Variants in PAMR1 observed in about 807,000 individuals in gnomAD.
The protein encoded by PAMR1 is peptidase domain containing associated with muscle regeneration 1, also known as inactive serine protease PAMR1.
A neutral mutation model predicts 81.8 loss-of-function variants in PAMR1; 88 were observed. The observed-to-expected ratio is 1.08, with a 90% CI of 0.91 to 1.28. The LOEUF (loss-of-function observed/expected upper bound fraction) is 1.28, where lower values mean the gene tolerates loss of function less well. Ranked by LOEUF, PAMR1 falls within the 50% of genes most tolerant of loss-of-function variation. The pLI, the probability that PAMR1 is intolerant of heterozygous loss-of-function variation, is 0.00. For missense variants in PAMR1, 935 were observed against 919.7 expected, an observed-to-expected ratio of 1.02 and a Z score of -0.21; for synonymous variants, 336 against 345.3, an observed-to-expected ratio of 0.97 and a Z score of 0.30.
At chr11:35,455,436 A>G (rs559193053) in intron 6 of PAMR1, among the ~76,000 whole-genome samples, 1 of 152,362 alleles carries the variant, frequency 6.6e-6, no homozygotes. Flanking sequence ...TGATGAGACA[A>G]CAGACCTCTT....
At chr11:35,487,215 GAAAA>G (rs111704287) in intron 3 of PAMR1, among the ~76,000 whole-genome samples, 4 of 130,128 alleles carry the variant, frequency 3.1e-5, no homozygotes, top group Non-Finnish European at 6.6e-5. Flanking sequence ...TAGTTACCCA[GAAAA>G]AAAAAAAAAA....
intron 6 of PAMR1, among the ~76,000 whole-genome samples, chr11:35,448,535 C>T (rs1856343548): frequency 6.6e-6 from 1 of 152,134 alleles, no homozygotes. Context: ...GTTAACAGCT[C>T]CTGTAGTGTT....
At chr11:35,489,988 G>A (rs1850587449) in intron 3 of PAMR1, among the ~76,000 whole-genome samples, 1 of 152,208 alleles carries the variant, frequency 6.6e-6, no homozygotes, top group African/African-American at 2.4e-5. Flanking sequence ...GCTGAGACTG[G>A]GTAATTTGTA....
chr11:35,441,008 G>A (rs1371943805), intron 7 of PAMR1, among the ~76,000 whole-genome samples: 2 of 152,100 alleles, frequency 1.3e-5, no homozygotes, highest in Admixed American at 1.3e-4. Flanking sequence ...ATGTACAAGG[G>A]TTTACTCTCT....
At chr11:35,488,574 A>G (rs1180949380) in intron 3 of PAMR1, among the ~76,000 whole-genome samples, 1 of 149,752 alleles carries the variant, frequency 6.7e-6, no homozygotes, top group African/African-American at 2.5e-5. Flanking sequence ...CATATAAACT[A>G]TCACCTTAAT....
At chr11:35,499,091 G>T (rs1354985984) in intron 1 of PAMR1, among the ~76,000 whole-genome samples, 1 of 152,096 alleles carries the variant, frequency 6.6e-6, no homozygotes, top group Admixed American at 6.5e-5. Flanking sequence ...GAATGAATTC[G>T]GCCTGAACTT....
chr11:35,506,596 G>T (rs7941572), intron 1 of PAMR1, among the ~76,000 whole-genome samples: 1 of 147,238 alleles, frequency 6.8e-6, no homozygotes, highest in Non-Finnish European at 1.5e-5. Context: ...GGCAGGGTTT[G>T]TTTTTTTTTC....
chr11:35,458,695 TGTCA>T (rs1301164091), intron 6 of PAMR1, among the ~76,000 whole-genome samples: 2 of 152,322 alleles, frequency 1.3e-5, no homozygotes, highest in Admixed American at 1.3e-4. Context: ...ATCCGCCCAT[TGTCA>T]CTTGTCACCA....
chr11:35,465,956 AC>A (rs1856748117), intron 6 of PAMR1, among the ~76,000 whole-genome samples: 1 of 152,196 alleles, frequency 6.6e-6, no homozygotes, highest in Non-Finnish European at 1.5e-5. Context: ...CTCACAAGCT[AC>A]CTGTGAATAT....
At chr11:35,458,127 G>C (rs1173136566) in intron 6 of PAMR1, among the ~76,000 whole-genome samples, 4 of 152,126 alleles carry the variant, frequency 2.6e-5, no homozygotes, top group Non-Finnish European at 5.9e-5. Flanking sequence ...TTTTTAGAAA[G>C]ATATAATATT....
intron 9 of PAMR1, 102 bp from the exon 10 acceptor site, chr11:35,434,906 T>C (rs1856003268): frequency 3.7e-6 from 4 of 1,080,524 alleles, no homozygotes; most frequent in Non-Finnish European, 5.4e-6. Flanking sequence ...AGGTGAACTG[T>C]ATGGGCATGA....
intron 1 of PAMR1, among the ~76,000 whole-genome samples, chr11:35,498,767 T>G (rs555921367): frequency 6.6e-6 from 1 of 152,248 alleles, no homozygotes; most frequent in South Asian, 2.1e-4. Flanking sequence ...ACCTTGGGAC[T>G]CCACATTTGC....
intron 7 of PAMR1, 49 bp from the exon 8 acceptor site, chr11:35,439,742 T>C: frequency 2.0e-6 from 3 of 1,479,952 alleles, no homozygotes; most frequent in Non-Finnish European, 2.8e-6. Flanking sequence ...ATATTCACTG[T>C]TCATATCATT....
chr11:35,461,341 G>T (rs1000025531), intron 6 of PAMR1, among the ~76,000 whole-genome samples: 2 of 152,178 alleles, frequency 1.3e-5, no homozygotes, highest in African/African-American at 4.8e-5. Context: ...TAGTCTTGCT[G>T]CATTGTTTAC....
intron 6 of PAMR1, among the ~76,000 whole-genome samples, chr11:35,458,173 A>G (rs1010665772): frequency 6.6e-6 from 1 of 152,210 alleles, no homozygotes; most frequent in Non-Finnish European, 1.5e-5. Flanking sequence ...ATAAAACTGA[A>G]GTGAACAACA....
intron 3 of PAMR1, 60 bp from the exon 4 acceptor site, chr11:35,474,804 G>A: frequency 2.6e-6 from 3 of 1,154,314 alleles, no homozygotes; most frequent in Non-Finnish European, 3.9e-6. Context: ...AGAGACTAGA[G>A]AAGGTCTCAA....
chr11:35,489,219 G>T (rs1850570259), intron 3 of PAMR1, among the ~76,000 whole-genome samples: 1 of 152,146 alleles, frequency 6.6e-6, no homozygotes, highest in Non-Finnish European at 1.5e-5. Flanking sequence ...GTCTCTTATA[G>T]ATGTCCAAAT....
At chr11:35,506,432 GTGTT>G (rs71044522) in intron 1 of PAMR1, among the ~76,000 whole-genome samples, 9,626 of 106,776 alleles carry the variant, frequency 0.09, 369 homozygotes, top group South Asian at 0.16. Flanking sequence ...TTGTTTTTTG[GTGTT>G]TTTTTTTTTC....
At position 35,441,672 on chromosome 11, in the gene PAMR1, G is replaced by C; in HGVS notation, c.842C>G (p.Ser281Ter). The C allele has an allele frequency of 6.2e-7, 1 of 1,610,866 alleles. No individual in the cohort carries two copies. Among genetic ancestry groups the C allele is most frequent in the Non-Finnish European group, 8.5e-7 (1 of 1,178,884 alleles). Residue 281 changes from serine (S) to a stop codon, truncating the protein, a stop_gained, in exon 7 of 11, where the codon TCA becomes TGA. Transcript: ENST00000619888. LOFTEE classifies it high-confidence loss of function. ...CENLLEERNC[S>*]DPGGPVNGYQ... Reference sequence around the variant, plus strand: ...CCCATTGACTGGGCCCCCAGGGTCTGAGCAGTTTCTTTCTTCAAGGACTAA... The same window carrying C: ...CCCATTGACTGGGCCCCCAGGGTCTCAGCAGTTTCTTTCTTCAAGGACTAA...
Sources: gnomAD v4.1 joint callset for allele counts (sites outside exome capture counted in the v4.1 genomes callset) on GRCh38, gnomAD v4.1.1 for gene constraint, MANE v1.5 for transcripts, NCBI Gene and HGNC (gene_info 2026-07-23, HGNC 2026-07-21) for gene names.